COL22A1: variants seen among roughly 807,000 people sequenced by gnomAD.
COL22A1 encodes the protein collagen type XXII alpha 1 chain, also known as collagen alpha-1(XXII) chain.
COL22A1 carries 221 observed loss-of-function variants against 248.9 expected under a neutral mutation model. The ratio of observed to expected loss-of-function variants is 0.89; its 90% CI spans 0.80 to 0.99. COL22A1 has a LOEUF of 0.99. Among genes scored for constraint, COL22A1 ranks in the 50% least tolerant of loss-of-function variants. The pLI is 0.00. For missense variants in COL22A1, 2,240 were observed against 2,179.0 expected (o/e 1.03, Z -0.56); for synonymous variants, 891 against 793.4 (o/e 1.12, Z -2.07).
At chr8:138,749,133 T>C (rs1258883329) in intron 22 of COL22A1, among the ~76,000 whole-genome samples, 1 of 152,190 alleles carries the variant, frequency 6.6e-6, no homozygotes, top group African/African-American at 2.4e-5. Context: ...CACATAAAAC[T>C]GTGAGTCCAT....
chr8:138,849,917 C>T (rs893787982), intron 3 of COL22A1, among the ~76,000 whole-genome samples: 2 of 152,176 alleles, frequency 1.3e-5, no homozygotes, highest in African/African-American at 2.4e-5. Context: ...ACCAGCCAAT[C>T]GCTGTGTGTA....
chr8:138,591,406 C>T lies in COL22A1; in HGVS notation c.4693+18G>A. ...GGTAGCTCACACCCTACCCCTGAGA[C>T]TGCAGAATGAGTCATACCTGGGATT... On this transcript the variant is annotated intron_variant, in intron 64 of 64. Transcript: ENST00000303045. 6.4e-7 allele frequency: 1 copy of T among 1,564,592 alleles called. No individual in the cohort carries two copies. The highest frequency in any genetic ancestry group is 8.7e-7 in the Non-Finnish European group (1 of 1,154,502).
chr8:138,654,966 C>G (rs1311120767), intron 45 of COL22A1, among the ~76,000 whole-genome samples: 1 of 152,208 alleles, frequency 6.6e-6, no homozygotes, highest in Non-Finnish European at 1.5e-5. Context: ...CTGGTCCTGG[C>G]CCAGCAGGAC....
chr8:138,795,528 G>GACACACACACACACACACAC (rs6150850), intron 12 of COL22A1, among the ~76,000 whole-genome samples: 1,767 of 144,832 alleles, frequency 0.012, 33 homozygotes, highest in African/African-American at 0.039. Context: ...CTCTCTTTCA[G>GACACACACACACACACACAC]ACACACACAC....
At chr8:138,850,147 A>C (rs1056354931) in intron 3 of COL22A1, among the ~76,000 whole-genome samples, 2 of 152,034 alleles carry the variant, frequency 1.3e-5, no homozygotes, top group African/African-American at 4.8e-5. Context: ...TTCCACCTCC[A>C]CCACCTGTTC....
Position 138,755,823 on chromosome 8 carries a change from C to G in COL22A1, c.1909G>C (p.Val637Leu), listed in dbSNP as rs749051506. 1 of 1,614,070 alleles carries G rather than the reference C, an allele frequency of 6.2e-7. No homozygotes were observed. Among genetic ancestry groups the G allele is most frequent in the South Asian group, 1.1e-5 (1 of 91,082 alleles). Residue 637 changes from valine to leucine, a missense_variant, in exon 19 of 65, where the codon GTG becomes CTG. Transcript: ENST00000303045. ...ACACCAGGTGGCCCCGCAGGTCCCACGTCACCCTGCACAGAAACGACAAAC... is the reference window on the plus strand; with the variant it reads ...ACACCAGGTGGCCCCGCAGGTCCCAGGTCACCCTGCACAGAAACGACAAAC... ...VAGPQGEKGD[V>L]GPAGPPGVPG...
chr8:138,832,581 A>T lies in COL22A1; in HGVS notation c.845+458T>A, dbSNP rs912855488. 6.6e-5 allele frequency among the ~76,000 whole-genome samples: 10 copies of T among 152,282 alleles called. No individual in the cohort carries two copies. The South Asian group carries it at 2.1e-3, about 32-fold the overall frequency. ...GAAAACATGAGAAACTCGAGGCACA[A>T]GGGCATTCAGTAATCTGTAAAGCCA... On this transcript the variant is annotated intron_variant, in intron 5 of 64. Transcript: ENST00000303045.
chr8:138,776,698 G>A (rs1814492805), intron 15 of COL22A1, among the ~76,000 whole-genome samples: 1 of 151,426 alleles, frequency 6.6e-6, no homozygotes, highest in Non-Finnish European at 1.5e-5. Flanking sequence ...ACTCAGCCCT[G>A]AACGCTGCAT....
intron 49 of COL22A1, among the ~76,000 whole-genome samples, chr8:138,631,543 A>C (rs1820719280): frequency 6.6e-6 from 1 of 152,178 alleles, no homozygotes; most frequent in Admixed American, 6.5e-5. Flanking sequence ...TGCTGTGTCA[A>C]CTCAAGGGTG....
intron 4 of COL22A1, among the ~76,000 whole-genome samples, chr8:138,841,177 A>G (rs1163435728): frequency 1.3e-5 from 2 of 152,028 alleles, no homozygotes; most frequent in African/African-American, 2.4e-5. Context: ...TCACTAATTC[A>G]TTCATATATC....
At chr8:138,818,672 A>C (rs987799866) in intron 7 of COL22A1, among the ~76,000 whole-genome samples, 4 of 152,140 alleles carry the variant, frequency 2.6e-5, no homozygotes, top group Non-Finnish European at 5.9e-5. Context: ...CTACTTTCTG[A>C]AGTTGTAAAG....
chr8:138,825,914 C>G (rs978154470), intron 6 of COL22A1: 10 of 152,154 alleles, frequency 6.6e-5, no homozygotes, highest in Non-Finnish European at 1.0e-4. Flanking sequence ...TATCTCAAAC[C>G]AACAGATGGT....
chr8:138,806,130 GT>G (rs1817679971), intron 10 of COL22A1, among the ~76,000 whole-genome samples: 1 of 68,020 alleles, frequency 1.5e-5, no homozygotes, highest in African/African-American at 4.8e-5. Context: ...GTAGGTAATG[GT>G]GTGTGGTGGT....
chr8:138,591,483 C>A lies in COL22A1; in HGVS notation c.4634G>T (p.Gly1545Val). 6.4e-7 allele frequency: 1 copy of A among 1,559,446 alleles called. No individual in the cohort carries two copies. The highest frequency in any genetic ancestry group is 1.9e-5 in the Admixed American group (1 of 53,272). ...GCCAACTCCAGGTGCACCTGGGTCA[C>A]CTTTGGCTCCTCGCTCACCTGGGAA... ...IGPKGERGAKGDPGAPGVGLR... is the reference protein window; with the variant it reads ...IGPKGERGAKVDPGAPGVGLR... Residue 1545 changes from glycine (G) to valine (V), a missense_variant, in exon 64 of 65, where the codon GGT becomes GTT. Transcript: ENST00000303045.
intron 3 of COL22A1, among the ~76,000 whole-genome samples, chr8:138,862,803 T>C (rs1563857010): frequency 4.7e-5 from 7 of 149,554 alleles, no homozygotes; most frequent in Admixed American, 4.0e-4. Flanking sequence ...GAAACTTGAG[T>C]CAGAGAGCAC....
At chr8:138,659,009 G>A (rs980002444) in intron 44 of COL22A1, among the ~76,000 whole-genome samples, 1 of 152,092 alleles carries the variant, frequency 6.6e-6, no homozygotes, top group Non-Finnish European at 1.5e-5. Context: ...TTTGCAGGGA[G>A]ATGTCAAAGT....
chr8:138,772,023 G>A (rs566119734), intron 16 of COL22A1, among the ~76,000 whole-genome samples: 2 of 152,342 alleles, frequency 1.3e-5, no homozygotes, highest in East Asian at 3.9e-4. Flanking sequence ...CTCAGGTGAG[G>A]TGGTCCAGGC....
At chr8:138,828,965 G>A (rs1819812253) in intron 5 of COL22A1, among the ~76,000 whole-genome samples, 2 of 152,180 alleles carry the variant, frequency 1.3e-5, no homozygotes, top group Admixed American at 1.3e-4. Context: ...CCTCAGGAAT[G>A]TACATGATAT....
intron 59 of COL22A1, among the ~76,000 whole-genome samples, chr8:138,604,025 G>A (rs77976374): frequency 0.013 from 1,908 of 152,304 alleles, 43 homozygotes; most frequent in African/African-American, 0.043. Flanking sequence ...CAAGCATTGT[G>A]GGGGGTCTGC....
Sources: gnomAD v4.1 joint callset for allele counts (sites outside exome capture counted in the v4.1 genomes callset) on GRCh38, gnomAD v4.1.1 for gene constraint, MANE v1.5 for transcripts, NCBI Gene and HGNC (gene_info 2026-07-23, HGNC 2026-07-21) for gene names.